Variants in CBLB observed in about 807,000 individuals in gnomAD.
CBLB encodes the protein E3 ubiquitin-protein ligase CBL-B.
In CBLB, 31 loss-of-function variants were observed where a neutral mutation model predicts 104.9. The observed-to-expected ratio is 0.30, with a 90% confidence interval of 0.22 to 0.40. The LOEUF (loss-of-function observed/expected upper bound fraction) is 0.40. Among genes scored for constraint, CBLB ranks in the 10% least tolerant of loss-of-function variants. The pLI is 1.00. For missense variants in CBLB, 1,062 were observed against 1,214.6 expected, an observed-to-expected ratio of 0.87 and a Z score of 1.87; for synonymous variants, 440 against 422.6, an observed-to-expected ratio of 1.04 and a Z score of -0.51.
At chr3:105,761,257 T>A in intron 4 of CBLB, among the ~76,000 whole-genome samples, 1 of 152,154 alleles carries the variant, frequency 6.6e-6, no homozygotes, top group South Asian at 2.1e-4. Flanking sequence ...GTCTCGAACT[T>A]CTGGACTCAA....
At chr3:105,795,190 G>A (rs1387129815) in intron 3 of CBLB, among the ~76,000 whole-genome samples, 1 of 152,136 alleles carries the variant, frequency 6.6e-6, no homozygotes, top group Non-Finnish European at 1.5e-5. Context: ...GGGATTACAG[G>A]CGTGAGCCAA....
At chr3:105,695,493 C>T (rs1176663738) in intron 12 of CBLB, among the ~76,000 whole-genome samples, 1 of 151,698 alleles carries the variant, frequency 6.6e-6, no homozygotes, top group Non-Finnish European at 1.5e-5. Context: ...GTCATACAGG[C>T]AATGATGTCT....
intron 4 of CBLB, among the ~76,000 whole-genome samples, chr3:105,752,933 T>C (rs2076721911): frequency 6.6e-6 from 1 of 152,252 alleles, no homozygotes; most frequent in Non-Finnish European, 1.5e-5. Flanking sequence ...CTATATCTAT[T>C]CATTGCTAAA....
intron 3 of CBLB, among the ~76,000 whole-genome samples, chr3:105,781,064 T>A (rs755831050): frequency 2.0e-5 from 3 of 151,990 alleles, no homozygotes; most frequent in Non-Finnish European, 4.4e-5. Context: ...TAGAGGAGGC[T>A]TGAAGAAGAA....
intron 3 of CBLB, among the ~76,000 whole-genome samples, chr3:105,825,706 A>C (rs933715188): frequency 2.6e-5 from 4 of 152,202 alleles, no homozygotes; most frequent in Admixed American, 2.0e-4. Context: ...CTCCTCATTA[A>C]ATTGTTTTAA....
chr3:105,822,262 C>T (rs1319459545), intron 3 of CBLB, among the ~76,000 whole-genome samples: 1 of 152,102 alleles, frequency 6.6e-6, no homozygotes, highest in African/African-American at 2.4e-5. Flanking sequence ...CATAGAAAAG[C>T]TGCTCAAGGA....
At chr3:105,810,487 AG>A (rs2084132828) in intron 3 of CBLB, among the ~76,000 whole-genome samples, 1 of 152,142 alleles carries the variant, frequency 6.6e-6, no homozygotes, top group Non-Finnish European at 1.5e-5. Context: ...AACAAATCAG[AG>A]GTTTTTGCAC....
chr3:105,775,962 C>T (rs1319405505), intron 4 of CBLB, among the ~76,000 whole-genome samples: 1 of 152,196 alleles, frequency 6.6e-6, no homozygotes, highest in Non-Finnish European at 1.5e-5. Context: ...CTCCAGGAAG[C>T]AGTCCCTGAT....
chr3:105,659,629 G>A (rs28532512), intron 18 of CBLB, among the ~76,000 whole-genome samples: 39,266 of 152,044 alleles, frequency 0.26, 5,227 homozygotes, highest in Admixed American at 0.27. Context: ...GTTCTCCAGA[G>A]GAACAATCTT....
At chr3:105,839,246 G>A (rs1325623412) in intron 3 of CBLB, among the ~76,000 whole-genome samples, 1 of 152,036 alleles carries the variant, frequency 6.6e-6, no homozygotes, top group Non-Finnish European at 1.5e-5. Context: ...GGAAAATGCA[G>A]GAAAGCCACT....
chr3:105,675,902 AAAAGTCAT>A (rs2065582415), intron 17 of CBLB, among the ~76,000 whole-genome samples: 1 of 150,976 alleles, frequency 6.6e-6, no homozygotes, highest in Non-Finnish European at 1.5e-5. Flanking sequence ...AAAAAAAAAA[AAAAGTCAT>A]AAAGGATCTG....
At chr3:105,747,078 A>C (rs1010525212) in intron 5 of CBLB, among the ~76,000 whole-genome samples, 4 of 152,182 alleles carry the variant, frequency 2.6e-5, no homozygotes, top group Non-Finnish European at 5.9e-5. Context: ...TCTCTCTTTA[A>C]TCTGATTAGT....
At chr3:105,719,691 TTACTA>T (rs1559946390) in intron 10 of CBLB, among the ~76,000 whole-genome samples, 1 of 152,246 alleles carries the variant, frequency 6.6e-6, no homozygotes, top group African/African-American at 2.4e-5. Context: ...GTTTATGTAC[TTACTA>T]TACTATACTT....
intron 17 of CBLB, among the ~76,000 whole-genome samples, chr3:105,675,688 A>T (rs564897782): frequency 6.6e-6 from 1 of 152,154 alleles, no homozygotes; most frequent in East Asian, 1.9e-4. Flanking sequence ...GTTCGAGACC[A>T]GCCTGGCCAA....
At chr3:105,720,526 T>C (rs187194877) in intron 9 of CBLB, among the ~76,000 whole-genome samples, 52 of 152,336 alleles carry the variant, frequency 3.4e-4, no homozygotes, top group Admixed American at 1.0e-3. Context: ...TTCCTGACTG[T>C]TCACTTATTA....
chr3:105,813,595 T>A lies in CBLB; in HGVS notation c.420-37053A>T, dbSNP rs145352371. ...ATAAAGCTGGAAAGAAAATAAAAAT[T>A]AAAATTAAAAGTCTTTAAAGGTTTG... On this transcript the variant is annotated intron_variant, in intron 3 of 18. Transcript: ENST00000394030. Among the ~76,000 whole-genome samples, 223 of 152,226 alleles carry A rather than the reference T, an allele frequency of 1.5e-3. 1 individual carries two copies. The highest frequency in any genetic ancestry group is 2.1e-3 in the South Asian group (10 of 4,828).
At chr3:105,691,699 C>G (rs976702150) in intron 13 of CBLB, among the ~76,000 whole-genome samples, 1 of 152,198 alleles carries the variant, frequency 6.6e-6, no homozygotes, top group Non-Finnish European at 1.5e-5. Flanking sequence ...TTAGAGCCTA[C>G]TACCCAGAGT....
chr3:105,698,764 C>T (rs1476043611), intron 12 of CBLB, among the ~76,000 whole-genome samples: 17 of 152,114 alleles, frequency 1.1e-4, no homozygotes, highest in Admixed American at 6.6e-4. Flanking sequence ...GGTGAAAATA[C>T]GTTAACATCT....
At chr3:105,735,672 C>T (rs1021927682) in intron 8 of CBLB, among the ~76,000 whole-genome samples, 11 of 152,078 alleles carry the variant, frequency 7.2e-5, no homozygotes, top group Admixed American at 2.0e-4. Context: ...CAATCATGGC[C>T]GGGCATGGTG....
Sources: allele counts gnomAD v4.1 joint callset (sites outside exome capture counted in the v4.1 genomes callset), GRCh38; gene constraint gnomAD v4.1.1; transcripts MANE v1.5; gene names NCBI Gene and HGNC (gene_info 2026-07-23, HGNC 2026-07-21).